STK32B: variants seen among roughly 807,000 people sequenced by gnomAD.
The protein encoded by STK32B is serine/threonine kinase 32B.
A neutral mutation model predicts 52.6 loss-of-function variants in STK32B; 43 were observed. That is an observed-to-expected ratio of 0.82 (90% confidence interval 0.64 to 1.05). The LOEUF (loss-of-function observed/expected upper bound fraction) is 1.05. STK32B is among the 50% of genes least tolerant of loss of function. The pLI, the probability that STK32B is intolerant of heterozygous loss-of-function variation, is 0.00. For synonymous variants in STK32B, 238 were observed against 204.3 expected (o/e 1.17, Z -1.41); for missense variants, 621 against 534.6 (o/e 1.16, Z -1.59).
At chr4:5,412,745 A>G (rs1263211315) in intron 5 of STK32B, among the ~76,000 whole-genome samples, 2 of 152,178 alleles carry the variant, frequency 1.3e-5, no homozygotes, top group East Asian at 3.8e-4. Context: ...ACCAGTTATT[A>G]ACCCTAAATA....
chr4:5,083,783 C>G (rs1421821708), intron 1 of STK32B, among the ~76,000 whole-genome samples: 1 of 151,078 alleles, frequency 6.6e-6, no homozygotes, highest in East Asian at 1.9e-4. Flanking sequence ...CTTGCCCAGG[C>G]TGGAGTGCAG....
intron 1 of STK32B, among the ~76,000 whole-genome samples, chr4:5,078,522 T>G (rs559387145): frequency 2.0e-5 from 3 of 152,220 alleles, no homozygotes; most frequent in Non-Finnish European, 4.4e-5. Flanking sequence ...CAAATATTGA[T>G]AAGTTCTGGG....
intron 1 of STK32B, among the ~76,000 whole-genome samples, chr4:5,077,368 G>A (rs1171565916): frequency 6.6e-6 from 1 of 151,890 alleles, no homozygotes; most frequent in African/African-American, 2.4e-5. Flanking sequence ...TTATCCCCCA[G>A]TCTCACCCTA....
intron 1 of STK32B, among the ~76,000 whole-genome samples, chr4:5,078,626 A>G (rs1486019130): frequency 6.6e-6 from 1 of 152,134 alleles, no homozygotes; most frequent in Non-Finnish European, 1.5e-5. Context: ...ACTCTGATTT[A>G]AGTATTACTT....
chr4:5,439,781 T>A (rs1714525904), intron 6 of STK32B, among the ~76,000 whole-genome samples: 1 of 152,200 alleles, frequency 6.6e-6, no homozygotes, highest in Middle Eastern at 3.4e-3. Flanking sequence ...GATTTTTGTA[T>A]AAGGTGTAAG....
chr4:5,034,172 ACGT>A, the STK32B span, among the ~76,000 whole-genome samples: 1 of 152,198 alleles, frequency 6.6e-6, no homozygotes, highest in Non-Finnish European at 1.5e-5. Flanking sequence ...TTGGACTCTT[ACGT>A]AAAGTTCCTT....
intron 3 of STK32B, among the ~76,000 whole-genome samples, chr4:5,218,208 T>A (rs551080906): frequency 6.6e-6 from 1 of 152,140 alleles, no homozygotes; most frequent in Non-Finnish European, 1.5e-5. Flanking sequence ...GATAGTAAAT[T>A]GATTCCATTT....
intron 11 of STK32B, among the ~76,000 whole-genome samples, chr4:5,483,278 C>T (rs1053148286): frequency 6.6e-6 from 1 of 151,622 alleles, no homozygotes; most frequent in African/African-American, 2.4e-5. Context: ...TGTTATTGGT[C>T]TATTCAGAGA....
At chr4:5,047,456 TAAAGTA>T (rs533406784), upstream of STK32B, among the ~76,000 whole-genome samples, 183 of 152,124 alleles carry the variant, frequency 1.2e-3, no homozygotes, top group Non-Finnish European at 2.3e-3. Flanking sequence ...TCCCGGAACT[TAAAGTA>T]AAATAAAAAT....
At chr4:5,473,549 G>T (rs1718007181) in intron 11 of STK32B, among the ~76,000 whole-genome samples, 1 of 152,218 alleles carries the variant, frequency 6.6e-6, no homozygotes, top group African/African-American at 2.4e-5. Flanking sequence ...CAGAGCCGGG[G>T]TTCCACAGAG....
At chr4:5,299,750 C>CT (rs1191372140) in intron 3 of STK32B, among the ~76,000 whole-genome samples, 4 of 152,048 alleles carry the variant, frequency 2.6e-5, no homozygotes, top group Admixed American at 6.6e-5. Context: ...GTTATCCATT[C>CT]TTTTTTTGGC....
At chr4:5,099,100 C>G (rs990265029) in intron 1 of STK32B, among the ~76,000 whole-genome samples, 2 of 152,082 alleles carry the variant, frequency 1.3e-5, no homozygotes, top group African/African-American at 4.8e-5. Flanking sequence ...TTGGTTTTTC[C>G]AGTTTCTAGA....
At chr4:5,181,499 A>G (rs1720358798) in intron 3 of STK32B, among the ~76,000 whole-genome samples, 1 of 152,232 alleles carries the variant, frequency 6.6e-6, no homozygotes, top group Non-Finnish European at 1.5e-5. Context: ...TATGTATGGT[A>G]ACCTAAGGTG....
chr4:5,381,472 C>A (rs1352677123), intron 4 of STK32B, among the ~76,000 whole-genome samples: 1 of 152,178 alleles, frequency 6.6e-6, no homozygotes, highest in African/African-American at 2.4e-5. Flanking sequence ...CAGTAACAAT[C>A]CCCACAGCCC....
intron 1 of STK32B, among the ~76,000 whole-genome samples, chr4:5,078,672 G>A (rs915241434): frequency 1.3e-5 from 2 of 152,090 alleles, no homozygotes; most frequent in African/African-American, 2.4e-5. Flanking sequence ...GAGAATTTTG[G>A]GGACTGATGG....
chr4:5,039,199 C>T, the STK32B span, among the ~76,000 whole-genome samples: 20 of 152,070 alleles, frequency 1.3e-4, no homozygotes, highest in South Asian at 2.1e-4. Context: ...CTTGCTATGT[C>T]GCTCAGGCTG....
intron 11 of STK32B, among the ~76,000 whole-genome samples, chr4:5,495,271 G>A (rs377711542): frequency 2.3e-4 from 35 of 152,128 alleles, no homozygotes; most frequent in African/African-American, 5.8e-4. Flanking sequence ...GGCTTTGTTC[G>A]TTTCTTTTTA....
At position 5,395,572 on chromosome 4, in the gene STK32B, T is replaced by C. The variant is rs762360451; in HGVS notation, c.435-2635T>C. ...AATCCTGCCATTGATTCATGTGCCT[T>C]CTGGTGTGCCTCTCTTCCTAGAATG... On this transcript the variant is annotated intron_variant, in intron 4 of 11. Coordinates refer to ENST00000282908, the MANE Select transcript of STK32B (RefSeq NM_018401.3). This position sits in a 1 kb window ranked among gnomAD's most constrained non-coding sequence, Gnocchi z 4.4. Among the ~76,000 whole-genome samples, 1 of 152,198 alleles carries C rather than the reference T, an allele frequency of 6.6e-6. No individual in the cohort carries two copies. Among genetic ancestry groups the C allele is most frequent in the South Asian group, 2.1e-4 (1 of 4,834 alleles).
At chr4:5,377,460 T>C (rs943564369) in intron 4 of STK32B, among the ~76,000 whole-genome samples, 11 of 152,338 alleles carry the variant, frequency 7.2e-5, no homozygotes, top group Admixed American at 7.2e-4. Flanking sequence ...TTGTCAATTC[T>C]TTTTCTTTCA....
Sources: gnomAD v4.1 joint callset for allele counts (sites outside exome capture counted in the v4.1 genomes callset) on GRCh38, gnomAD v4.1.1 for gene constraint, Gnocchi (gnomAD v3.1) non-coding constraint, MANE v1.5 for transcripts, NCBI Gene and HGNC (gene_info 2026-07-23, HGNC 2026-07-21) for gene names.